CEP57: variants seen among roughly 807,000 people sequenced by gnomAD.
CEP57 encodes the protein centrosomal protein 57.
CEP57 carries 40 observed loss-of-function variants against 68.0 expected under a neutral mutation model. The ratio of observed to expected loss-of-function variants is 0.59; its 90% CI spans 0.46 to 0.77. The LOEUF is 0.77. Among genes scored for constraint, CEP57 ranks in the 30% least tolerant of loss-of-function variants. The pLI is 0.00. For missense variants in CEP57, 606 were observed against 580.7 expected, an observed-to-expected ratio of 1.04 and a Z score of -0.45; for synonymous variants, 219 against 198.7, an observed-to-expected ratio of 1.10 and a Z score of -0.86.
At chr11:95,824,874 C>G (rs537894563) in intron 8 of CEP57, among the ~76,000 whole-genome samples, 2 of 152,300 alleles carry the variant, frequency 1.3e-5, no homozygotes, top group South Asian at 2.1e-4. Flanking sequence ...GGGTTTACAA[C>G]AAGAATGACC....
chr11:95,796,048 C>G (rs200074402), intron 1 of CEP57, among the ~76,000 whole-genome samples: 4 of 152,296 alleles, frequency 2.6e-5, no homozygotes, highest in East Asian at 3.9e-4. Context: ...TTAATTTGCA[C>G]TTAGTCTCTA....
intron 4 of CEP57, among the ~76,000 whole-genome samples, chr11:95,814,393 T>C (rs376464163): frequency 6.9e-6 from 1 of 144,646 alleles, no homozygotes; most frequent in East Asian, 2.1e-4. Context: ...GGAGTTTCCC[T>C]TTTATTGCCC....
At chr11:95,800,853 G>A (rs976842227) in intron 2 of CEP57, among the ~76,000 whole-genome samples, 1 of 152,176 alleles carries the variant, frequency 6.6e-6, no homozygotes, top group African/African-American at 2.4e-5. Flanking sequence ...TTCTTCATCT[G>A]TATCTTTTAA....
At chr11:95,820,885 G>A (rs1280075083) in intron 6 of CEP57, among the ~76,000 whole-genome samples, 1 of 152,128 alleles carries the variant, frequency 6.6e-6, no homozygotes, top group Non-Finnish European at 1.5e-5. Context: ...GATGCTTCCT[G>A]AGGGTAGAGA....
At chr11:95,814,742 TAACTC>T (rs1272042142) in intron 4 of CEP57, among the ~76,000 whole-genome samples, 11 of 152,212 alleles carry the variant, frequency 7.2e-5, no homozygotes, top group Non-Finnish European at 1.2e-4. Context: ...GTAGACATCT[TAACTC>T]TATTATAAAA....
At chr11:95,808,796 G>A (rs995762004) in intron 2 of CEP57, among the ~76,000 whole-genome samples, 12 of 152,120 alleles carry the variant, frequency 7.9e-5, no homozygotes, top group Non-Finnish European at 1.3e-4. Context: ...ACAGATCAGC[G>A]AGACAGAAAG....
At chr11:95,808,177 TG>T (rs1221664697) in intron 2 of CEP57, among the ~76,000 whole-genome samples, 1 of 152,184 alleles carries the variant, frequency 6.6e-6, no homozygotes, top group African/African-American at 2.4e-5. Flanking sequence ...TGAGAGATTT[TG>T]TTACCACCAG....
chr11:95,806,325 T>C (rs1861797248), intron 2 of CEP57, among the ~76,000 whole-genome samples: 1 of 152,070 alleles, frequency 6.6e-6, no homozygotes, highest in South Asian at 2.1e-4. Flanking sequence ...AGAAGACGGG[T>C]GATTTCTGCA....
chr11:95,807,366 C>T (rs1168446108), intron 2 of CEP57, among the ~76,000 whole-genome samples: 1 of 152,158 alleles, frequency 6.6e-6, no homozygotes, highest in Non-Finnish European at 1.5e-5. Context: ...TGGAGAATGA[C>T]TTTGACGAGT....
In CEP57 at chr11:95,813,603, C is replaced by T. The variant is rs1431382336; in HGVS notation, c.504+14C>T. 6.2e-7 allele frequency: 1 copy of T among 1,611,950 alleles called. No individual in the cohort carries two copies. ...TTAGAGAAACAAGTAAGTAAAGCAC[C>T]TCACAGATTGATACTCAAGAACAGT... On this transcript the variant is annotated intron_variant, in intron 4 of 10. Transcript: ENST00000325542.
At chr11:95,790,457 T>C (rs1487115030), upstream of CEP57, 5 of 587,716 alleles carry the variant, frequency 8.5e-6, no homozygotes, top group Non-Finnish European at 1.5e-5. Context: ...ACGTCTGCTG[T>C]TTTGATTGGC....
chr11:95,827,326 TATG>T, intron 8 of CEP57: 1 of 171,524 alleles, frequency 5.8e-6, no homozygotes, highest in Admixed American at 5.7e-5. Flanking sequence ...GCAATTAAAA[TATG>T]ATAAATGCTA....
intron 4 of CEP57, 141 bp from the exon 5 acceptor site, chr11:95,817,646 C>G (rs4753701): frequency 0.075 from 50,617 of 679,194 alleles, 4,797 homozygotes; most frequent in African/African-American, 0.34. Context: ...TTTATTGATG[C>G]CCCCTATGGT....
intron 2 of CEP57, among the ~76,000 whole-genome samples, chr11:95,802,506 G>C (rs1410027500): frequency 6.6e-6 from 1 of 152,108 alleles, no homozygotes; most frequent in Non-Finnish European, 1.5e-5. Context: ...GCCCACCTCA[G>C]CCTCCCAAAG....
intron 2 of CEP57, 99 bp from the exon 3 acceptor site, chr11:95,812,833 C>T (rs1862126579): frequency 2.0e-6 from 2 of 1,010,850 alleles, no homozygotes; most frequent in Admixed American, 1.7e-5. Context: ...TGGACTCATC[C>T]ATCAATTTTA....
chr11:95,823,889 T>A (rs1862620306), intron 8 of CEP57, among the ~76,000 whole-genome samples: 1 of 151,996 alleles, frequency 6.6e-6, no homozygotes, highest in Non-Finnish European at 1.5e-5. Flanking sequence ...AGTAAATAAT[T>A]TGAATAATAT....
chr11:95,824,819 A>G (rs1862670164), intron 8 of CEP57, among the ~76,000 whole-genome samples: 2 of 152,198 alleles, frequency 1.3e-5, no homozygotes, highest in Non-Finnish European at 1.5e-5. Context: ...TAAAGCTGCT[A>G]ATCCCTGAGC....
chr11:95,818,275 C>T (rs927587934), intron 5 of CEP57, among the ~76,000 whole-genome samples: 9 of 151,642 alleles, frequency 5.9e-5, no homozygotes, highest in Non-Finnish European at 1.0e-4. Context: ...AGCCGGGCAT[C>T]GTGGCGCATG....
At chr11:95,813,885 C>G (rs1862184340) in intron 4 of CEP57, among the ~76,000 whole-genome samples, 1 of 152,204 alleles carries the variant, frequency 6.6e-6, no homozygotes, top group Admixed American at 6.5e-5. Context: ...CTCTGTATCT[C>G]TGAAATTTGT....
Sources: allele counts gnomAD v4.1 joint callset (sites outside exome capture counted in the v4.1 genomes callset), GRCh38; gene constraint gnomAD v4.1.1; transcripts MANE v1.5; gene names NCBI Gene and HGNC (gene_info 2026-07-23, HGNC 2026-07-21).